IFFO1: variants seen among roughly 807,000 people sequenced by gnomAD.
IFFO1 encodes the protein intermediate filament family orphan 1.
Under a neutral mutation model 59.6 loss-of-function variants are expected in IFFO1, and 42 were observed. The observed-to-expected ratio is 0.70, with a 90% confidence interval of 0.55 to 0.91. The LOEUF is 0.91. Among genes scored for constraint, IFFO1 ranks in the 40% least tolerant of loss-of-function variants. The pLI is 0.00. For synonymous variants in IFFO1, 336 were observed against 342.8 expected (o/e 0.98, Z 0.22); for missense variants, 711 against 793.2 (o/e 0.90, Z 1.24).
In IFFO1 at chr12:6,548,030, G is replaced by A. The variant is rs779559702; in HGVS notation, c.1479+35C>T. On this transcript the variant is annotated intron_variant, in intron 8 of 9. Transcript: ENST00000619571. The surrounding 1 kb of genome is among the most constrained non-coding windows in gnomAD (Gnocchi z 6.1). ...TGCAGCCCCACTCAAAACCCTCTGG[G>A]ACACCACGCCCCTGGCTTCCGCTCC... The A allele has an allele frequency of 1.8e-5, 27 of 1,528,372 alleles. 1 individual carries two copies. The Admixed American group carries it at 3.0e-4, about 17-fold the overall frequency. 94.7% of individuals were successfully genotyped at this position (1,528,372 alleles called of 1,614,324 possible).
chr12:6,549,060 CA>C lies in IFFO1; in HGVS notation c.1081-212del. The stretch of plus-strand genomic sequence containing the variant: ...AGGGCTGCAAACCGAGAAGGCAGAA[CA>C]AGAAGAAATCGAGAAGAAGAGCAGT... On this transcript the variant is annotated intron_variant, in intron 5 of 9. Coordinates refer to ENST00000619571, the MANE Select transcript of IFFO1 (RefSeq NM_001193457.2). This position sits in a 1 kb window ranked among gnomAD's most constrained non-coding sequence, Gnocchi z 5.0. 1.7e-6 allele frequency: 1 copy of C among 588,718 alleles called. No individual in the cohort carries two copies. The highest frequency in any genetic ancestry group is 3.0e-6 in the Non-Finnish European group (1 of 333,572). The allele number at this position is 588,718 out of a possible 1,614,324, so 36.5% of individuals were successfully genotyped here. A position where few individuals can be genotyped will look rare whatever the true frequency, so the allele number is the denominator to read the frequency against.
chr12:6,546,888 GA>G (rs1946992432), intron 8 of IFFO1, among the ~76,000 whole-genome samples: 1 of 152,180 alleles, frequency 6.6e-6, no homozygotes, highest in Non-Finnish European at 1.5e-5. Context: ...CAAGGCTTGG[GA>G]AAAAGCATGG....
rs751657070 is a variant in IFFO1, at chr12:6,548,560, C to G, written c.1263-15G>C. The G allele has an allele frequency of 7.4e-6, 12 of 1,613,538 alleles. No homozygotes were observed. Among genetic ancestry groups the G allele is most frequent in the Non-Finnish European group, 1.0e-5 (12 of 1,179,614 alleles). On this transcript the variant is annotated splice_polypyrimidine_tract_variant and intron_variant, in intron 6 of 9. Transcript: ENST00000619571. This position sits in a 1 kb window ranked among gnomAD's most constrained non-coding sequence, Gnocchi z 6.1. ...CATACTCCCTCCTAGAGACAGGGAA[C>G]CCGGGTGTCAGGGCGGGCGGGGCCT...
chr12:6,550,590 G>T, intron 3 of IFFO1, 105 bp downstream of exon 3: 1 of 765,570 alleles, frequency 1.3e-6, no homozygotes, highest in East Asian at 2.7e-5. Context: ...AAAGAGAAGG[G>T]GAGGAGCCGT....
At position 6,549,336 on chromosome 12, in the gene IFFO1, G is replaced by A. The variant is rs2136126601; in HGVS notation, c.1080+140C>T. 2.6e-6 allele frequency: 2 copies of A among 757,722 alleles called. No individual in the cohort carries two copies. Among genetic ancestry groups the A allele is most frequent in the East Asian group, 2.5e-5 (1 of 40,704 alleles). 46.9% of individuals were successfully genotyped at this position (757,722 alleles called of 1,614,324 possible). A position where few individuals can be genotyped will look rare whatever the true frequency, so the allele number is the denominator to read the frequency against. On this transcript the variant is annotated intron_variant, in intron 5 of 9. Transcript: ENST00000619571. The surrounding 1 kb of genome is among the most constrained non-coding windows in gnomAD (Gnocchi z 5.0). The stretch of plus-strand genomic sequence containing the variant: ...AGAACAAGAGATAGAGAGAAAAAGG[G>A]GGAAGAGCAAGGAAAAGGGAAAGGG...
intron 8 of IFFO1, among the ~76,000 whole-genome samples, chr12:6,546,379 C>T (rs1946963708): frequency 6.6e-6 from 1 of 152,346 alleles, no homozygotes; most frequent in East Asian, 1.9e-4. Context: ...GTCAGAGCGT[C>T]GGGAAAGGAC....
In IFFO1 at chr12:6,549,492, G is replaced by A; in HGVS notation, c.1072-8C>T. 2 of 1,609,896 alleles carry A rather than the reference G, an allele frequency of 1.2e-6. No individual in the cohort carries two copies. Among genetic ancestry groups the A allele is most frequent in the Non-Finnish European group, 1.7e-6 (2 of 1,176,242 alleles). On this transcript the variant is annotated splice_region_variant and splice_polypyrimidine_tract_variant and intron_variant, in intron 4 of 9. Coordinates refer to ENST00000619571, the MANE Select transcript of IFFO1 (RefSeq NM_001193457.2). The surrounding 1 kb of genome is among the most constrained non-coding windows in gnomAD (Gnocchi z 5.0). ...CAAACTAACCAGCTTCTTCTGTGGA[G>A]GAAGCAAGAGAGAAGATGAGAGGAA... is the stretch of plus-strand genomic sequence containing the variant.
chr12:6,552,334 A>T (rs754571330), intron 1 of IFFO1, among the ~76,000 whole-genome samples: 7 of 152,078 alleles, frequency 4.6e-5, no homozygotes, highest in Non-Finnish European at 8.8e-5. Flanking sequence ...GGAGGCAGCC[A>T]GCCCAGCCAC....
At position 6,549,969 on chromosome 12, in the gene IFFO1, G is replaced by T; in HGVS notation, c.931-73C>A. On this transcript the variant is annotated intron_variant, in intron 3 of 9. Coordinates refer to ENST00000619571, the MANE Select transcript of IFFO1 (RefSeq NM_001193457.2). The surrounding 1 kb of genome is among the most constrained non-coding windows in gnomAD (Gnocchi z 5.0). ...ACAAGGACGAATTAGGCCTGGCAAG[G>T]TCCTCATCCTTCCCACCACATTGCA... The T allele has an allele frequency of 6.7e-7, 1 of 1,491,372 alleles. No individual in the cohort carries two copies. Among genetic ancestry groups the T allele is most frequent in the Non-Finnish European group, 9.1e-7 (1 of 1,100,028 alleles). The allele number at this position is 1,491,372 out of a possible 1,614,324, so 92.4% of individuals were successfully genotyped here.
chr12:6,540,260 G>A lies in IFFO1; in HGVS notation c.*223C>T. ...GTGAAGGCAGGAGAGCCCCAACTGT[G>A]GTGGAAATGGCCCCAGAATGGTAGG... On this transcript the variant is annotated 3_prime_UTR_variant, in exon 10 of 10. Coordinates refer to ENST00000619571, the MANE Select transcript of IFFO1 (RefSeq NM_001193457.2). 1 of 581,734 alleles carries A rather than the reference G, an allele frequency of 1.7e-6. No individual in the cohort carries two copies. Among genetic ancestry groups the A allele is most frequent in the Non-Finnish European group, 3.1e-6 (1 of 326,786 alleles). The allele number at this position is 581,734 out of a possible 1,614,324, so 36.0% of individuals were successfully genotyped here.
At position 6,548,859 on chromosome 12, in the gene IFFO1, C is replaced by T. The variant is rs763115054; in HGVS notation, c.1081-10G>A. 41 of 1,598,516 alleles carry T rather than the reference C, an allele frequency of 2.6e-5. No individual in the cohort carries two copies. The highest frequency in any genetic ancestry group is 3.3e-4 in the Middle Eastern group (2 of 6,044). On this transcript the variant is annotated splice_polypyrimidine_tract_variant and intron_variant, in intron 5 of 9. Coordinates refer to ENST00000619571, the MANE Select transcript of IFFO1 (RefSeq NM_001193457.2). The surrounding 1 kb of genome is among the most constrained non-coding windows in gnomAD (Gnocchi z 6.1). ...GAGACAAGTGCAGAGACTACAGAGA[C>T]GAGGCCGGGTGCATGAGGAGAAAGG... is the stretch of plus-strand genomic sequence containing the variant.
At chr12:6,551,424 G>A (rs1947228051) in intron 1 of IFFO1, 10 of 1,298,964 alleles carry the variant, frequency 7.7e-6, no homozygotes, top group East Asian at 1.1e-4. Context: ...CCGGGCTCCC[G>A]CCTCCTGCCC....
At position 6,549,468 on chromosome 12, in the gene IFFO1, A is replaced by T; in HGVS notation, c.1080+8T>A. On this transcript the variant is annotated splice_region_variant and intron_variant, in intron 5 of 9. Transcript: ENST00000619571. The surrounding 1 kb of genome is among the most constrained non-coding windows in gnomAD (Gnocchi z 5.0). ...GACATTAATAAGCTTGCGTGAGATC[A>T]AACTAACCAGCTTCTTCTGTGGAGG... 1 of 1,613,824 alleles carries T rather than the reference A, an allele frequency of 6.2e-7. No homozygotes were observed. The highest frequency in any genetic ancestry group is 8.5e-7 in the Non-Finnish European group (1 of 1,179,724).
rs919438400 is a variant in IFFO1 at position 6,552,758 on chromosome 12, T to TA, written c.774-1758dup. On this transcript the variant is annotated intron_variant, in intron 1 of 9. Coordinates refer to ENST00000619571, the MANE Select transcript of IFFO1 (RefSeq NM_001193457.2). ...TTAAGCCTAAGGAAATCTTACAGGG[T>TA]AAAAAAAATCTACAAATGAATCATC... Among the ~76,000 whole-genome samples the TA allele has an allele frequency of 1.0e-3, 152 of 151,964 alleles. 1 individual carries two copies. The highest frequency in any genetic ancestry group is 3.5e-3 in the African/African-American group (145 of 41,438).
At chr12:6,550,436 C>T in intron 3 of IFFO1, 1 of 535,924 alleles carries the variant, frequency 1.9e-6, no homozygotes. Context: ...AGCTGCAGAG[C>T]CTCCACCCCA....
At position 6,554,927 on chromosome 12, in the gene IFFO1, G is replaced by A. The variant is rs188309424; in HGVS notation, c.773+330C>T. On this transcript the variant is annotated intron_variant, in intron 1 of 9. Coordinates refer to ENST00000619571, the MANE Select transcript of IFFO1 (RefSeq NM_001193457.2). ...CTTTTGAAGTTTATATCCCTAACCT[G>A]CCCCAGGGCTGAGACCGGTAGGGCA... Among the ~76,000 whole-genome samples the A allele has an allele frequency of 1.5e-3, 235 of 152,224 alleles. 5 individuals are homozygous for A. The highest frequency in any genetic ancestry group is 5.8e-4 in the East Asian group (3 of 5,188).
At chr12:6,545,308 G>A (rs1486757658) in intron 8 of IFFO1, among the ~76,000 whole-genome samples, 1 of 152,210 alleles carries the variant, frequency 6.6e-6, no homozygotes, top group Non-Finnish European at 1.5e-5. Context: ...GGTACCCAAG[G>A]TGAACCTTGA....
chr12:6,549,738 G>A lies in IFFO1; in HGVS notation c.1071+18C>T, dbSNP rs2136128986. The A allele has an allele frequency of 3.1e-6, 5 of 1,605,300 alleles. No individual in the cohort carries two copies. Among genetic ancestry groups the A allele is most frequent in the Non-Finnish European group, 3.4e-6 (4 of 1,173,318 alleles). ...TGCCCCACCCACCCCTGAGAGCAGA[G>A]GGCAGCTCCGTCCTCACCTGGAACA... On this transcript the variant is annotated intron_variant, in intron 4 of 9. Transcript: ENST00000619571. The surrounding 1 kb of genome is among the most constrained non-coding windows in gnomAD (Gnocchi z 5.0).
Position 6,549,952 on chromosome 12 carries a change from G to A in IFFO1, c.931-56C>T, listed in dbSNP as rs1041231309. The A allele has an allele frequency of 1.1e-5, 17 of 1,565,382 alleles. No homozygotes were observed. Among genetic ancestry groups the A allele is most frequent in the African/African-American group, 2.7e-5 (2 of 73,966 alleles). On this transcript the variant is annotated intron_variant, in intron 3 of 9. Transcript: ENST00000619571. The surrounding 1 kb of genome is among the most constrained non-coding windows in gnomAD (Gnocchi z 5.0). The stretch of plus-strand genomic sequence containing the variant: ...GGCGCCCAGTTCTCCAGACAAGGAC[G>A]AATTAGGCCTGGCAAGGTCCTCATC...
Sources: allele counts gnomAD v4.1 joint callset (sites outside exome capture counted in the v4.1 genomes callset), GRCh38; gene constraint gnomAD v4.1.1; non-coding constraint Gnocchi (gnomAD v3.1); transcripts MANE v1.5; gene names NCBI Gene and HGNC (gene_info 2026-07-23, HGNC 2026-07-21).